Variants in ADGRG6 observed in about 807,000 individuals in gnomAD.
ADGRG6 encodes the protein G-protein coupled receptor 126.
A neutral mutation model predicts 142.4 loss-of-function variants in ADGRG6; 84 were observed. The ratio of observed to expected loss-of-function variants is 0.59; its 90% CI spans 0.49 to 0.71. ADGRG6 has a LOEUF of 0.71. ADGRG6 is among the 30% of genes least tolerant of loss of function. The probability of loss-of-function intolerance (pLI) is 0.00; values close to 1 mark genes in which losing one functional copy is unlikely to be tolerated. For synonymous variants in ADGRG6, 521 were observed against 520.5 expected, an observed-to-expected ratio of 1.00 and a Z score of -0.01; for missense variants, 1,367 against 1,466.6, an observed-to-expected ratio of 0.93 and a Z score of 1.11.
chr6:142,434,186 ATATTT>A (rs1777363114), intron 22 of ADGRG6, among the ~76,000 whole-genome samples: 2 of 150,118 alleles, frequency 1.3e-5, no homozygotes, highest in African/African-American at 2.4e-5. Context: ...AAATAAAATC[ATATTT>A]TATTTATATA....
intron 22 of ADGRG6, among the ~76,000 whole-genome samples, chr6:142,427,112 T>C (rs1776982343): frequency 6.6e-6 from 1 of 152,228 alleles, no homozygotes; most frequent in Non-Finnish European, 1.5e-5. Context: ...TGCAAATTTC[T>C]GCAGCTGGCT....
chr6:142,340,729 C>T lies in ADGRG6; in HGVS notation c.104-26840C>T, dbSNP rs143199767. On this transcript the variant is annotated intron_variant, in intron 2 of 24. Transcript: ENST00000367609. ...ATCATTCCAAGTAGAAGCAGAGAAACCTTTAACTCTTCATCAGTGAAGTTG... is the reference window on the plus strand; with the variant it reads ...ATCATTCCAAGTAGAAGCAGAGAAATCTTTAACTCTTCATCAGTGAAGTTG... Among the ~76,000 whole-genome samples, 63 of 152,148 alleles carry T rather than the reference C, an allele frequency of 4.1e-4. 1 individual carries two copies. The East Asian group carries it at 0.011, about 26-fold the overall frequency.
chr6:142,387,575 A>G (rs1353017943), intron 6 of ADGRG6, among the ~76,000 whole-genome samples: 1 of 152,210 alleles, frequency 6.6e-6, no homozygotes, highest in African/African-American at 2.4e-5. Flanking sequence ...AGAAATAACC[A>G]GGTGTCTAGA....
intron 4 of ADGRG6, among the ~76,000 whole-genome samples, chr6:142,372,532 G>T (rs1781308735): frequency 6.6e-6 from 1 of 152,158 alleles, no homozygotes; most frequent in African/African-American, 2.4e-5. Context: ...ACAGGTGGTG[G>T]AAAGGCTGTG....
chr6:142,356,113 C>T (rs1406940432), intron 2 of ADGRG6, among the ~76,000 whole-genome samples: 27 of 152,176 alleles, frequency 1.8e-4, no homozygotes, highest in Non-Finnish European at 1.5e-5. Context: ...AATGATGTGG[C>T]AAACCGAAAT....
At chr6:142,411,223 A>C (rs1283122609) in intron 17 of ADGRG6, 82 bp from the exon 18 acceptor site, 1 of 779,988 alleles carries the variant, frequency 1.3e-6, no homozygotes, top group East Asian at 2.5e-5. Flanking sequence ...GACTGAGGCA[A>C]ATTTCTCTAT....
intron 5 of ADGRG6, among the ~76,000 whole-genome samples, chr6:142,382,449 A>G (rs757447968): frequency 6.6e-6 from 1 of 152,208 alleles, no homozygotes; most frequent in Non-Finnish European, 1.5e-5. Context: ...GCCATGAGGC[A>G]ATTTATGATG....
chr6:142,411,800 G>T (rs951610605), intron 18 of ADGRG6, among the ~76,000 whole-genome samples: 20 of 152,190 alleles, frequency 1.3e-4, no homozygotes, highest in Non-Finnish European at 2.5e-4. Context: ...GAAGGGAATT[G>T]TGAATAGTGT....
chr6:142,384,766 A>G (rs192813818), intron 6 of ADGRG6, among the ~76,000 whole-genome samples: 66 of 152,230 alleles, frequency 4.3e-4, no homozygotes, highest in African/African-American at 1.6e-3. Context: ...AGAAACCCAC[A>G]TAGTTCATTT....
chr6:142,403,652 T>C, intron 13 of ADGRG6, 150 bp from the exon 14 acceptor site: 1 of 545,628 alleles, frequency 1.8e-6, no homozygotes. Flanking sequence ...TCACTGTGGA[T>C]TGGGGTAATT....
In ADGRG6 at chr6:142,364,007, C is replaced by CT. The variant is rs200404780; in HGVS notation, c.104-3548dup. Among the ~76,000 whole-genome samples, 260 of 143,094 alleles carry CT rather than the reference C, an allele frequency of 1.8e-3. 1 individual carries two copies. The highest frequency in any genetic ancestry group is 7.4e-3 in the Middle Eastern group (2 of 272). The allele number at this position is 143,094 out of a possible 152,430, so 93.9% of individuals were successfully genotyped here. A position where few individuals can be genotyped will look rare whatever the true frequency, so the allele number is the denominator to read the frequency against. ...TGTATTTTTTGTTTAATTGTGGCAACTTTTTTTTTTTTTTCCTTAGAAGGA... is the reference window on the plus strand; with the variant it reads ...TGTATTTTTTGTTTAATTGTGGCAACTTTTTTTTTTTTTTTCCTTAGAAGGA... On this transcript the variant is annotated intron_variant, in intron 2 of 24. Transcript: ENST00000367609.
At chr6:142,311,197 C>A (rs1582956803) in intron 2 of ADGRG6, among the ~76,000 whole-genome samples, 1 of 151,842 alleles carries the variant, frequency 6.6e-6, no homozygotes, top group Admixed American at 6.6e-5. Flanking sequence ...ATTCTCAAGG[C>A]CACCAGAATC....
rs1331329842 is a variant in ADGRG6, at chr6:142,309,599, C to T, written c.58C>T (p.Leu20Phe). ...SCHWKWKPSP[L>F]LFLFALYIMC... ...CCATTGGAAATGGAAGCCCAGTCCTCTCCTGTTCTTATTTGCTTTATATAT... is the reference window on the plus strand; with the variant it reads ...CCATTGGAAATGGAAGCCCAGTCCTTTCCTGTTCTTATTTGCTTTATATAT... Residue 20 changes from leucine (L) to phenylalanine (F), a missense_variant, in exon 2 of 25, where the codon CTC becomes TTC. Coordinates refer to ENST00000367609, the MANE Select transcript of ADGRG6 (RefSeq NM_198569.3). 3 of 1,608,754 alleles carry T rather than the reference C, an allele frequency of 1.9e-6. No homozygotes were observed. Among genetic ancestry groups the T allele is most frequent in the Non-Finnish European group, 2.5e-6 (3 of 1,177,104 alleles).
At chr6:142,335,661 A>G (rs1439403837) in intron 2 of ADGRG6, among the ~76,000 whole-genome samples, 2 of 152,174 alleles carry the variant, frequency 1.3e-5, no homozygotes, top group East Asian at 1.9e-4. Context: ...TGAATCTGCA[A>G]TCATGAAGTC....
intron 22 of ADGRG6, 53 bp downstream of exon 22, chr6:142,420,157 C>CA: frequency 7.1e-7 from 1 of 1,400,058 alleles, no homozygotes; most frequent in Non-Finnish European, 1.0e-6. Flanking sequence ...GTCATATTTG[C>CA]AAGCAGCTTC....
rs939249078 is a variant in ADGRG6, at chr6:142,420,210, C to G, written c.3319+106C>G. The G allele has an allele frequency of 1.2e-5, 10 of 841,184 alleles. No homozygotes were observed. In the African/African-American group the frequency reaches 1.5e-4, roughly 13 times the overall value. 52.1% of individuals were successfully genotyped at this position (841,184 alleles called of 1,614,324 possible). ...ATGTTAAGTTTCTGTGTCACTATTTCAAGTGCTGAATATAGTTCCATGTGC... is the reference window on the plus strand; with the variant it reads ...ATGTTAAGTTTCTGTGTCACTATTTGAAGTGCTGAATATAGTTCCATGTGC... On this transcript the variant is annotated intron_variant, in intron 22 of 24. Transcript: ENST00000367609.
chr6:142,380,624 T>C (rs1781727012), intron 4 of ADGRG6, among the ~76,000 whole-genome samples: 1 of 152,218 alleles, frequency 6.6e-6, no homozygotes, highest in Non-Finnish European at 1.5e-5. Flanking sequence ...AAATTCTGTC[T>C]GCCAGTAAAA....
At chr6:142,309,688 C>A in intron 2 of ADGRG6, 44 bp downstream of exon 2, 3 of 1,229,986 alleles carry the variant, frequency 2.4e-6, no homozygotes, top group Non-Finnish European at 3.5e-6. Flanking sequence ...ATCATGATGA[C>A]ATTGTCTGCA....
At chr6:142,342,235 A>G (rs1189409132) in intron 2 of ADGRG6, among the ~76,000 whole-genome samples, 1 of 152,118 alleles carries the variant, frequency 6.6e-6, no homozygotes, top group Non-Finnish European at 1.5e-5. Flanking sequence ...GAGAGTGGAG[A>G]AAATTGTTGA....
Sources: gnomAD v4.1 joint callset for allele counts (sites outside exome capture counted in the v4.1 genomes callset) on GRCh38, gnomAD v4.1.1 for gene constraint, MANE v1.5 for transcripts, NCBI Gene and HGNC (gene_info 2026-07-23, HGNC 2026-07-21) for gene names.